The following ZNF562 variants were observed in gnomAD, a reference collection of about 807,000 sequenced individuals.
The protein encoded by ZNF562 is zinc finger protein 562.
Under a neutral mutation model 17.5 loss-of-function variants are expected in ZNF562, and 13 were observed. The ratio of observed to expected loss-of-function variants is 0.74; its 90% CI spans 0.48 to 1.18. ZNF562 has a LOEUF of 1.18. Ranked by LOEUF, ZNF562 falls within the 50% of genes most tolerant of loss-of-function variation. ZNF562 has a pLI of 0.00. For missense variants in ZNF562, 481 were observed against 498.5 expected (o/e 0.96, Z 0.33); for synonymous variants, 163 against 165.4 (o/e 0.99, Z 0.11).
intron 1 of ZNF562, among the ~76,000 whole-genome samples, chr19:9,667,175 A>G (rs1430639164): frequency 6.6e-6 from 1 of 152,212 alleles, no homozygotes; most frequent in East Asian, 1.9e-4. Flanking sequence ...CATCACAATC[A>G]AGTGAAATTC....
chr19:9,664,738 G>C (rs532250771), intron 1 of ZNF562, among the ~76,000 whole-genome samples: 1 of 152,146 alleles, frequency 6.6e-6, no homozygotes, highest in Non-Finnish European at 1.5e-5. Context: ...GCAGAAGTTC[G>C]AGACCAGCTG....
chr19:9,666,515 C>A (rs2043966082), intron 1 of ZNF562, among the ~76,000 whole-genome samples: 1 of 151,356 alleles, frequency 6.6e-6, no homozygotes, highest in Non-Finnish European at 1.5e-5. Flanking sequence ...AAAAACAAAC[C>A]AGATTCAAAA....
At chr19:9,655,067 T>G (rs2043412288) in intron 5 of ZNF562, among the ~76,000 whole-genome samples, 1 of 152,148 alleles carries the variant, frequency 6.6e-6, no homozygotes, top group East Asian at 1.9e-4. Context: ...CACAGCTCAC[T>G]GCAGCCTTAA....
chr19:9,659,348 CATTTT>C, intron 3 of ZNF562, 26 bp downstream of exon 3: 1 of 1,530,688 alleles, frequency 6.5e-7, no homozygotes, highest in Non-Finnish European at 8.9e-7. Context: ...GTAAGTATGT[CATTTT>C]GTACAACGGT....
intron 4 of ZNF562, among the ~76,000 whole-genome samples, chr19:9,656,890 A>ATG (rs909852576): frequency 6.7e-6 from 1 of 149,546 alleles, no homozygotes; most frequent in African/African-American, 2.4e-5. Context: ...ATATATATAT[A>ATG]TTAGCCGGGC....
chr19:9,668,750 G>C (rs1192287440), intron 1 of ZNF562, among the ~76,000 whole-genome samples: 1 of 151,898 alleles, frequency 6.6e-6, no homozygotes, highest in Non-Finnish European at 1.5e-5. Flanking sequence ...GCATGGTACT[G>C]ACATAAAAAA....
chr19:9,660,797 G>A lies in ZNF562; in HGVS notation c.-53C>T, dbSNP rs2043707011. On this transcript the variant is annotated 5_prime_UTR_variant, in exon 2 of 6. Transcript: ENST00000453372. ...TCAATGCTGTCTTTCTTGATGCCAA[G>A]ATCGCCTCAGGGCAGCTTATGAATC... is the stretch of plus-strand genomic sequence containing the variant. 1.2e-6 allele frequency: 2 copies of A among 1,603,842 alleles called. No homozygotes were observed. Among genetic ancestry groups the A allele is most frequent in the Non-Finnish European group, 8.5e-7 (1 of 1,172,592 alleles).
rs2074810563 is a variant in ZNF562 at position 9,646,866 on chromosome 19, G to C, written c.*6083C>G. 1 of 150,974 alleles carries C rather than the reference G, an allele frequency of 6.6e-6. No individual in the cohort carries two copies. Among genetic ancestry groups the C allele is most frequent in the Non-Finnish European group, 1.5e-5 (1 of 67,846 alleles). The allele number at this position is 150,974 out of a possible 1,614,324, so 9.4% of individuals were successfully genotyped here. On this transcript the variant is annotated 3_prime_UTR_variant, in exon 6 of 6. Coordinates refer to ENST00000453372, the MANE Select transcript of ZNF562 (RefSeq NM_001130031.2). Reference sequence around the variant, plus strand: ...AACTCACTGCAACCTTCGCCTCCCAGATTCAAGCAATTCTCCTGCCTCAGC... The same window carrying C: ...AACTCACTGCAACCTTCGCCTCCCACATTCAAGCAATTCTCCTGCCTCAGC...
At position 9,653,334 on chromosome 19, in the gene ZNF562, T is replaced by A. The variant is rs773714675; in HGVS notation, c.896A>T (p.Asn299Ile). The part of the protein sequence containing the change: ...ECKECGRSFR[N>I]SSSFNVHIQI... ...AATGTGAACATTAAAGGATGAGGAA[T>A]TTCTAAAGGATCTTCCACATTCTTT... Residue 299 changes from asparagine (N) to isoleucine (I), a missense_variant, in exon 6 of 6, where the codon AAT (asparagine) becomes ATT (isoleucine). Coordinates refer to ENST00000453372, the MANE Select transcript of ZNF562 (RefSeq NM_001130031.2). 1 of 1,614,064 alleles carries A rather than the reference T, an allele frequency of 6.2e-7. No individual in the cohort carries two copies.
intron 1 of ZNF562, among the ~76,000 whole-genome samples, chr19:9,673,465 T>G (rs10418101): frequency 6.6e-6 from 1 of 151,886 alleles, no homozygotes; most frequent in Non-Finnish European, 1.5e-5. Flanking sequence ...GCCCGGCTAA[T>G]TTTTGTATTT....
rs376933513 is a variant in ZNF562, at chr19:9,656,871, A to AAAAAAAAAAAATATATAT, written c.242-219_242-218insATATATATTTTTTTTTTT. ...AACCCTCTCTCTAGTAAAATACAAA[A>AAAAAAAAAAAATATATAT]ATATATATATATATATATATTAGCC... On this transcript the variant is annotated intron_variant, in intron 4 of 5. Transcript: ENST00000453372. Among the ~76,000 whole-genome samples the AAAAAAAAAAAATATATAT allele has an allele frequency of 2.8e-5, 4 of 142,442 alleles. No homozygotes were observed. In the South Asian group the frequency reaches 6.6e-4, roughly 24 times the overall value. 93.4% of individuals were successfully genotyped at this position (142,442 alleles called of 152,430 possible). A position where few individuals can be genotyped will look rare whatever the true frequency, so the allele number is the denominator to read the frequency against.
Position 9,653,451 on chromosome 19 carries a change from T to A in ZNF562, c.779A>T (p.Glu260Val). 6.2e-7 allele frequency: 1 copy of A among 1,614,226 alleles called. No homozygotes were observed. The highest frequency in any genetic ancestry group is 8.5e-7 in the Non-Finnish European group (1 of 1,180,036). ...CVAVHTGKKS[E>V]KTKNCGKSFT... ...GGATTTCCCACAGTTCTTAGTCTTT[T>A]CGGATTTCTTTCCAGTATGAACTGC... The change falls in exon 6 of 6, where the codon GAA becomes GTA. Residue 260 changes from glutamate (E) to valine (V), a missense_variant. Glu to Val is a moderately radical substitution (Grantham distance 121). This residue lies in a region of ZNF562 where 403 missense variants were observed against 386.4 expected (regional missense o/e 1.04). Transcript: ENST00000453372.
chr19:9,656,442 G>A (rs2043486895), intron 5 of ZNF562, 105 bp downstream of exon 5: 14 of 1,240,544 alleles, frequency 1.1e-5, no homozygotes, highest in Non-Finnish European at 1.6e-5. Flanking sequence ...CTGGGAGTTG[G>A]AGGTTGCGGT....
At chr19:9,658,206 A>G (rs2030118815) in intron 3 of ZNF562, 71 bp from the exon 4 acceptor site, 2 of 1,538,618 alleles carry the variant, frequency 1.3e-6, no homozygotes, top group Admixed American at 4.0e-5. Context: ...GAATGAGGAA[A>G]GGGGAACCTT....
chr19:9,656,419 G>T, intron 5 of ZNF562, 128 bp downstream of exon 5: 2 of 944,030 alleles, frequency 2.1e-6, no homozygotes, highest in Non-Finnish European at 1.6e-6. Flanking sequence ...TGAGGCAAGA[G>T]AATCGCTTGA....
rs1046324158 is a variant in ZNF562 at position 9,652,766 on chromosome 19, G to A, written c.*183C>T. On this transcript the variant is annotated 3_prime_UTR_variant, in exon 6 of 6. Transcript: ENST00000453372. ...AAGATGGCAACCAATGGGCTAAATGGTAACAACACTCATATCCTTACATTC... is the reference window on the plus strand; with the variant it reads ...AAGATGGCAACCAATGGGCTAAATGATAACAACACTCATATCCTTACATTC... The A allele has an allele frequency of 3.9e-6, 2 of 517,174 alleles. No homozygotes were observed. The highest frequency in any genetic ancestry group is 6.4e-6 in the Non-Finnish European group (2 of 311,416). 32.0% of individuals were successfully genotyped at this position (517,174 alleles called of 1,614,324 possible).
chr19:9,647,090 T>A lies in ZNF562; in HGVS notation c.*5859A>T, dbSNP rs893360110. 6.7e-6 allele frequency: 1 copy of A among 149,626 alleles called. No individual in the cohort carries two copies. Among genetic ancestry groups the A allele is most frequent in the Non-Finnish European group, 1.5e-5 (1 of 67,874 alleles). The allele number at this position is 149,626 out of a possible 1,614,324, so 9.3% of individuals were successfully genotyped here. A position where few individuals can be genotyped will look rare whatever the true frequency, so the allele number is the denominator to read the frequency against. On this transcript the variant is annotated 3_prime_UTR_variant, in exon 6 of 6. Transcript: ENST00000453372. ...ACCGTGCCCAACCTAGTTGTCTTTT[T>A]TTTTTTTTTTGAGACGGATTCTCGC... is the stretch of plus-strand genomic sequence containing the variant.
At chr19:9,660,694 G>A in intron 2 of ZNF562, 26 bp downstream of exon 2, 10 of 1,611,564 alleles carry the variant, frequency 6.2e-6, no homozygotes, top group Non-Finnish European at 8.5e-6. Context: ...CAGAATCTCT[G>A]AAAAAGAGCA....
At chr19:9,660,984 C>T in intron 1 of ZNF562, 110 bp from the exon 2 acceptor site, 2 of 402,954 alleles carry the variant, frequency 5.0e-6, no homozygotes, top group Admixed American at 4.1e-5. Flanking sequence ...AAACTGTATA[C>T]TCAGTATCGT....
Sources: gnomAD v4.1 joint callset for allele counts (sites outside exome capture counted in the v4.1 genomes callset) on GRCh38, gnomAD v4.1.1 for gene constraint, gnomAD v4.1.1 regional missense constraint, MANE v1.5 for transcripts, NCBI Gene and HGNC (gene_info 2026-07-23, HGNC 2026-07-21) for gene names.